The following PAPPA2 variants were observed in gnomAD, a reference collection of about 807,000 sequenced individuals.
The protein encoded by PAPPA2 is pappalysin 2.
PAPPA2 carries 86 observed loss-of-function variants against 176.4 expected under a neutral mutation model. The observed-to-expected ratio is 0.49, with a 90% CI of 0.41 to 0.58. The LOEUF (loss-of-function observed/expected upper bound fraction) is 0.58. Among genes scored for constraint, PAPPA2 ranks in the 20% least tolerant of loss-of-function variants. The pLI is 0.00. For synonymous variants in PAPPA2, 809 were observed against 852.2 expected, an observed-to-expected ratio of 0.95 and a Z score of 0.88; for missense variants, 2,073 against 2,256.9, an observed-to-expected ratio of 0.92 and a Z score of 1.65.
In PAPPA2 at chr1:176,581,853, T is replaced by A. The variant is rs186993110; in HGVS notation, c.920-12671T>A. Among the ~76,000 whole-genome samples the A allele has an allele frequency of 6.2e-3, 934 of 151,390 alleles. 8 individuals carry two copies. The highest frequency in any genetic ancestry group is 0.011 in the Admixed American group (165 of 15,218). On this transcript the variant is annotated intron_variant, in intron 2 of 22. Coordinates refer to ENST00000367662, the MANE Select transcript of PAPPA2 (RefSeq NM_020318.3). ...TTTATCAGTTATAAGAGTTTTTTTT[T>A]AAATTTTTGTTTATTTTTTGGGGGG...
At chr1:176,840,474 T>C (rs1242572566) in intron 22 of PAPPA2, among the ~76,000 whole-genome samples, 1 of 152,148 alleles carries the variant, frequency 6.6e-6, no homozygotes, top group East Asian at 1.9e-4. Context: ...TCTTTGTCAG[T>C]TCAGTGATTC....
chr1:176,793,119 T>C (rs1665255958), intron 19 of PAPPA2, among the ~76,000 whole-genome samples: 1 of 152,188 alleles, frequency 6.6e-6, no homozygotes, highest in South Asian at 2.1e-4. Context: ...GTAGTAGTTG[T>C]TGCAATTTTA....
intron 2 of PAPPA2, among the ~76,000 whole-genome samples, chr1:176,572,501 T>A (rs1652411062): frequency 1.3e-5 from 2 of 152,150 alleles, no homozygotes; most frequent in Admixed American, 1.3e-4. Flanking sequence ...TCTGAGCCTT[T>A]AGGTTCTGAT....
intron 8 of PAPPA2, among the ~76,000 whole-genome samples, chr1:176,701,890 G>A (rs1040782147): frequency 6.6e-6 from 1 of 152,184 alleles, no homozygotes; most frequent in African/African-American, 2.4e-5. Context: ...TCTTCTCAGT[G>A]TCTTGCCTTT....
chr1:176,776,036 G>T (rs1664446696), intron 17 of PAPPA2, among the ~76,000 whole-genome samples: 1 of 152,088 alleles, frequency 6.6e-6, no homozygotes, highest in African/African-American at 2.4e-5. Flanking sequence ...TCTCTTTTAA[G>T]ACCCTTTCTT....
At chr1:176,685,975 C>T (rs970491912) in intron 4 of PAPPA2, among the ~76,000 whole-genome samples, 1 of 152,078 alleles carries the variant, frequency 6.6e-6, no homozygotes, top group African/African-American at 2.4e-5. Context: ...GTGTGTGTGT[C>T]TCAGTGAGTA....
At position 176,555,975 on chromosome 1, in the gene PAPPA2, A is replaced by G. The variant is rs2294653; in HGVS notation, c.-348A>G. ...AGGGATTACTGAAGAAGAAGGGGGG[A>G]AAAAAAAAGAAAGAAATCTGAGCTT... On this transcript the variant is annotated 5_prime_UTR_variant, in exon 2 of 23. Transcript: ENST00000367662. 1.9e-3 allele frequency: 413 copies of G among 219,114 alleles called. No homozygotes were observed. The highest frequency in any genetic ancestry group is 9.2e-3 in the East Asian group (89 of 9,636). The allele number at this position is 219,114 out of a possible 1,614,324, so 13.6% of individuals were successfully genotyped here.
At chr1:176,496,276 G>A (rs1321832359) in intron 1 of PAPPA2, among the ~76,000 whole-genome samples, 8 of 151,952 alleles carry the variant, frequency 5.3e-5, no homozygotes, top group African/African-American at 1.4e-4. Context: ...TTCTTTATGG[G>A]AGCATGTCAG....
intron 3 of PAPPA2, among the ~76,000 whole-genome samples, chr1:176,610,535 T>G (rs1238014084): frequency 6.6e-6 from 1 of 152,174 alleles, no homozygotes; most frequent in Non-Finnish European, 1.5e-5. Context: ...TCTTGGGCTC[T>G]GTTAAAAAGG....
intron 3 of PAPPA2, among the ~76,000 whole-genome samples, chr1:176,668,225 G>A (rs567334784): frequency 2.6e-5 from 4 of 152,094 alleles, no homozygotes; most frequent in Admixed American, 1.3e-4. Context: ...ATATAACTTC[G>A]GTCACTCTGA....
At chr1:176,619,594 G>T (rs191668866) in intron 3 of PAPPA2, among the ~76,000 whole-genome samples, 1 of 152,100 alleles carries the variant, frequency 6.6e-6, no homozygotes, top group Non-Finnish European at 1.5e-5. Context: ...GGTAATTTTT[G>T]AAAATAAGTA....
At chr1:176,616,533 T>C (rs987199925) in intron 3 of PAPPA2, 10 of 1,295,158 alleles carry the variant, frequency 7.7e-6, no homozygotes, top group East Asian at 2.5e-5. Flanking sequence ...TTTTACAAAA[T>C]GTAACCAATC....
intron 14 of PAPPA2, among the ~76,000 whole-genome samples, chr1:176,746,970 C>T (rs930688777): frequency 7.9e-5 from 12 of 152,098 alleles, no homozygotes; most frequent in African/African-American, 2.9e-4. Context: ...TTAAGTGACT[C>T]AATGGAACAG....
intron 1 of PAPPA2, among the ~76,000 whole-genome samples, chr1:176,499,668 T>C (rs1460786583): frequency 6.6e-6 from 1 of 152,164 alleles, no homozygotes; most frequent in African/African-American, 2.4e-5. Context: ...TCCTTCATAA[T>C]GCTTCCCTCT....
At chr1:176,677,496 G>A (rs1659360839) in intron 4 of PAPPA2, among the ~76,000 whole-genome samples, 1 of 152,182 alleles carries the variant, frequency 6.6e-6, no homozygotes, top group Non-Finnish European at 1.5e-5. Flanking sequence ...CTTTTTACAG[G>A]TGGATCAATG....
rs558635877 is a variant in PAPPA2, at chr1:176,711,938, A to G, written c.3755A>G (p.Gln1252Arg). Residue 1252 changes from glutamine to arginine, a missense_variant, in exon 12 of 23, where the codon CAG becomes CGG. This residue lies in a region of PAPPA2 where 846 missense variants were observed against 857.9 expected (regional missense o/e 0.99). Coordinates refer to ENST00000367662, the MANE Select transcript of PAPPA2 (RefSeq NM_020318.3). ...ENETQDDRSE[Q>R]PEGSLKKEDE... is the part of the protein sequence containing the mutation. The stretch of plus-strand genomic sequence containing the variant: ...GAAACTCAGGATGACAGGAGTGAAC[A>G]GCCAGAAGGTAGCCTGAAGAAAGAG... The G allele has an allele frequency of 1.2e-6, 2 of 1,613,712 alleles. No homozygotes were observed. The highest frequency in any genetic ancestry group is 1.7e-6 in the Non-Finnish European group (2 of 1,179,754).
intron 3 of PAPPA2, among the ~76,000 whole-genome samples, chr1:176,605,513 T>C (rs1035709583): frequency 1.3e-5 from 2 of 152,234 alleles, no homozygotes; most frequent in African/African-American, 4.8e-5. Flanking sequence ...AGATTACTCA[T>C]AGTTTCTGCT....
intron 21 of PAPPA2, among the ~76,000 whole-genome samples, chr1:176,808,598 A>G (rs1205617276): frequency 6.6e-6 from 1 of 152,236 alleles, no homozygotes; most frequent in Non-Finnish European, 1.5e-5. Context: ...CTGGGTAAAC[A>G]GCAGCATGGC....
intron 17 of PAPPA2, among the ~76,000 whole-genome samples, chr1:176,779,615 T>C (rs1238145339): frequency 2.0e-5 from 3 of 152,138 alleles, no homozygotes; most frequent in Admixed American, 6.6e-5. Flanking sequence ...CATGGTCATG[T>C]GCTATTCATT....
Sources: gnomAD v4.1 joint callset for allele counts (sites outside exome capture counted in the v4.1 genomes callset) on GRCh38, gnomAD v4.1.1 for gene constraint, gnomAD v4.1.1 regional missense constraint, MANE v1.5 for transcripts, NCBI Gene and HGNC (gene_info 2026-07-23, HGNC 2026-07-21) for gene names.